CCDC92: variants seen among roughly 807,000 people sequenced by gnomAD.
CCDC92 encodes the protein coiled-coil domain-containing protein 92.
In CCDC92, 12 loss-of-function variants were observed where a neutral mutation model predicts 24.9. That is an observed-to-expected ratio of 0.48 (90% CI 0.31 to 0.78). The LOEUF is 0.78. CCDC92 is among the 30% of genes least tolerant of loss of function. CCDC92 has a pLI of 0.05. For synonymous variants in CCDC92, 193 were observed against 196.3 expected, an observed-to-expected ratio of 0.98 and a Z score of 0.14; for missense variants, 399 against 439.4, an observed-to-expected ratio of 0.91 and a Z score of 0.82.
chr12:123,959,159 T>A (rs1334865838), intron 1 of CCDC92, among the ~76,000 whole-genome samples: 1 of 151,962 alleles, frequency 6.6e-6, no homozygotes, highest in Non-Finnish European at 1.5e-5. Context: ...TACTTCCTCA[T>A]CTGCAAAATG....
intron 1 of CCDC92, among the ~76,000 whole-genome samples, chr12:123,969,596 G>A (rs1357778958): frequency 6.7e-6 from 1 of 150,114 alleles, no homozygotes; most frequent in Non-Finnish European, 1.5e-5. Context: ...AGCCTCCCGA[G>A]TAGCTGGGAC....
At chr12:123,947,007 G>A (rs552389479) in intron 1 of CCDC92, among the ~76,000 whole-genome samples, 152 of 152,276 alleles carry the variant, frequency 1.0e-3, no homozygotes, top group Admixed American at 7.2e-4. Flanking sequence ...TGGAGTTCTG[G>A]GTGGGCGTGG....
intron 1 of CCDC92, among the ~76,000 whole-genome samples, chr12:123,964,928 G>A (rs1234374719): frequency 6.6e-6 from 1 of 152,028 alleles, no homozygotes; most frequent in Non-Finnish European, 1.5e-5. Context: ...CTTTGTACCA[G>A]CAGAATAGTG....
At chr12:123,939,682 G>A (rs896783293) in intron 4 of CCDC92, among the ~76,000 whole-genome samples, 15 of 152,168 alleles carry the variant, frequency 9.9e-5, no homozygotes, top group African/African-American at 2.9e-4. Flanking sequence ...TCCCTAAAAA[G>A]GATGCATGCA....
rs374534644 is a variant in CCDC92, at chr12:123,937,328, G to A, written c.726C>T (p.Asp242=). Reference sequence around the variant, plus strand: ...CCCTAGCCAGCAGAAATGGGGTGGGGTCGGGCATAGCATCCACTGGTTCCC... The same window carrying A: ...CCCTAGCCAGCAGAAATGGGGTGGGATCGGGCATAGCATCCACTGGTTCCC... ...LLREPVDAMP[D]PTPFLLARES... Residue 242 remains aspartate (D), a synonymous_variant, in exon 5 of 5, where the codon GAC becomes GAT. Transcript: ENST00000238156. The surrounding 1 kb of genome is among the most constrained non-coding windows in gnomAD (Gnocchi z 8.4). The A allele has an allele frequency of 7.4e-6, 12 of 1,613,682 alleles. No homozygotes were observed. The South Asian group carries it at 9.9e-5, about 13-fold the overall frequency.
At chr12:123,944,629 T>A (rs1195270802) in intron 1 of CCDC92, 1 of 271,834 alleles carries the variant, frequency 3.7e-6, no homozygotes, top group Non-Finnish European at 6.8e-6. Flanking sequence ...GCACACTAGC[T>A]CTGGAGCTAG....
In CCDC92 at chr12:123,964,816, C is replaced by A. The variant is rs538979432; in HGVS notation, c.-60+7713G>T. Among the ~76,000 whole-genome samples, 138 of 152,288 alleles carry A rather than the reference C, an allele frequency of 9.1e-4. 1 individual carries two copies. Among genetic ancestry groups the A allele is most frequent in the Admixed American group, 4.3e-3 (66 of 15,308 alleles). ...TGACAACCAAGAGTCACTCTACTTCCATTAGCTGAATAATGTTTCAAGATA... is the reference window on the plus strand; with the variant it reads ...TGACAACCAAGAGTCACTCTACTTCAATTAGCTGAATAATGTTTCAAGATA... On this transcript the variant is annotated intron_variant, in intron 1 of 4. Coordinates refer to ENST00000238156, the MANE Select transcript of CCDC92 (RefSeq NM_025140.3).
chr12:123,937,928 G>C lies in CCDC92; in HGVS notation c.224-98C>G. 2.4e-6 allele frequency: 3 copies of C among 1,267,142 alleles called. No individual in the cohort carries two copies. The Admixed American group carries it at 6.7e-5, about 28-fold the overall frequency. The allele number at this position is 1,267,142 out of a possible 1,614,324, so 78.5% of individuals were successfully genotyped here. A position where few individuals can be genotyped will look rare whatever the true frequency, so the allele number is the denominator to read the frequency against. ...GGCGGACCTGTCTGGTGGGGGCCCT[G>C]TCTAGGCTGTGGGGGCCATGCAGAA... On this transcript the variant is annotated intron_variant, in intron 4 of 4. Coordinates refer to ENST00000238156, the MANE Select transcript of CCDC92 (RefSeq NM_025140.3). This position sits in a 1 kb window ranked among gnomAD's most constrained non-coding sequence, Gnocchi z 8.4.
At chr12:123,960,412 A>C (rs879085310) in intron 1 of CCDC92, among the ~76,000 whole-genome samples, 3 of 152,270 alleles carry the variant, frequency 2.0e-5, no homozygotes, top group Admixed American at 2.0e-4. Flanking sequence ...TTCTGTGGAA[A>C]GGAAAATGTG....
rs1177866107 is a variant in CCDC92, at chr12:123,937,101, C to T, written c.953G>A (p.Gly318Asp). The T allele has an allele frequency of 2.5e-6, 4 of 1,613,760 alleles. No homozygotes were observed. The highest frequency in any genetic ancestry group is 3.4e-6 in the Non-Finnish European group (4 of 1,180,016). ...CCCTGAGTGCTTCCTCACCACCTTG[C>T]CTCCGTTCACCTGGTCGACCGCCAG... ...KTLAVDQVNG[G>D]KVVRKHSGTD... Residue 318 changes from glycine to aspartate, a missense_variant, in exon 5 of 5, where the codon GGC (glycine) becomes GAC (aspartate). By Grantham distance (94) the Gly-to-Asp change is moderately conservative. Coordinates refer to ENST00000238156, the MANE Select transcript of CCDC92 (RefSeq NM_025140.3). The surrounding 1 kb of genome is among the most constrained non-coding windows in gnomAD (Gnocchi z 8.4).
At chr12:123,971,938 G>T (rs1347384619) in intron 1 of CCDC92, 2 of 152,314 alleles carry the variant, frequency 1.3e-5, no homozygotes, top group Admixed American at 1.3e-4. Context: ...TGTCAGGGAG[G>T]GTCTCTAAGG....
intron 1 of CCDC92, among the ~76,000 whole-genome samples, chr12:123,969,751 G>A (rs141313198): frequency 0.014 from 2,186 of 152,110 alleles, 26 homozygotes; most frequent in Non-Finnish European, 0.024. Flanking sequence ...GCCTTATTCA[G>A]TATCTTTTAA....
In CCDC92 at chr12:123,936,516, C is replaced by T. The variant is rs1044124720; in HGVS notation, c.*542G>A. 6.3e-6 allele frequency: 1 copy of T among 157,740 alleles called. No homozygotes were observed. The highest frequency in any genetic ancestry group is 2.4e-5 in the African/African-American group (1 of 41,560). The allele number at this position is 157,740 out of a possible 1,614,324, so 9.8% of individuals were successfully genotyped here. A position where few individuals can be genotyped will look rare whatever the true frequency, so the allele number is the denominator to read the frequency against. ...GTGGTGCTATGAGGAGTAGCGTCAT[C>T]TTATTTAGTTCCTTGAGATACACGC... On this transcript the variant is annotated 3_prime_UTR_variant, in exon 5 of 5. Coordinates refer to ENST00000238156, the MANE Select transcript of CCDC92 (RefSeq NM_025140.3).
intron 1 of CCDC92, among the ~76,000 whole-genome samples, chr12:123,969,461 G>GGTT (rs1956471290): frequency 1.1e-5 from 1 of 93,058 alleles, no homozygotes; most frequent in African/African-American, 4.6e-5. Context: ...CTCTTATTCA[G>GGTT]TTTTTTTTTT....
intron 1 of CCDC92, among the ~76,000 whole-genome samples, chr12:123,961,693 A>C (rs773717620): frequency 1.3e-5 from 2 of 152,254 alleles, no homozygotes; most frequent in Admixed American, 1.3e-4. Flanking sequence ...CAGTAGCGAC[A>C]CAGCCTTTAG....
intron 1 of CCDC92, among the ~76,000 whole-genome samples, chr12:123,954,157 T>C (rs1956096073): frequency 6.6e-6 from 1 of 152,224 alleles, no homozygotes; most frequent in Non-Finnish European, 1.5e-5. Context: ...TTTAATAATA[T>C]TGTTCCAGGG....
chr12:123,959,149 T>G (rs1956217413), intron 1 of CCDC92, among the ~76,000 whole-genome samples: 1 of 152,216 alleles, frequency 6.6e-6, no homozygotes, highest in Admixed American at 6.5e-5. Flanking sequence ...TCCCGTGCCT[T>G]ACTTCCTCAT....
intron 1 of CCDC92, among the ~76,000 whole-genome samples, chr12:123,953,375 G>A (rs1365475864): frequency 5.6e-5 from 7 of 124,670 alleles, no homozygotes; most frequent in East Asian, 2.4e-4. Flanking sequence ...TATATTTACC[G>A]ACAAGGTAAT....
intron 1 of CCDC92, among the ~76,000 whole-genome samples, chr12:123,960,270 A>G (rs1055131691): frequency 6.6e-6 from 1 of 152,178 alleles, no homozygotes; most frequent in African/African-American, 2.4e-5. Context: ...CCCCAACCCC[A>G]TCATTAGGTA....
Sources: allele counts gnomAD v4.1 joint callset (sites outside exome capture counted in the v4.1 genomes callset), GRCh38; gene constraint gnomAD v4.1.1; non-coding constraint Gnocchi (gnomAD v3.1); transcripts MANE v1.5; gene names NCBI Gene and HGNC (gene_info 2026-07-23, HGNC 2026-07-21).